The following TJP2 variants were observed in gnomAD, a reference collection of about 807,000 sequenced individuals.
TJP2 encodes Friedreich ataxia region gene X104 (tight junction protein ZO-2).
A neutral mutation model predicts 133.1 loss-of-function variants in TJP2; 91 were observed. That is an observed-to-expected ratio of 0.68 (90% CI 0.58 to 0.81). TJP2 has a LOEUF of 0.81. TJP2 is among the 40% of genes least tolerant of loss of function. The pLI, the probability that TJP2 is intolerant of heterozygous loss-of-function variation, is 0.00. For missense variants in TJP2, 1,541 were observed against 1,565.6 expected (o/e 0.98, Z 0.26); for synonymous variants, 592 against 583.4 (o/e 1.01, Z -0.21).
chr9:69,186,069 A>G (rs943131794), intron 1 of TJP2, among the ~76,000 whole-genome samples: 10 of 152,080 alleles, frequency 6.6e-5, no homozygotes, highest in Admixed American at 5.2e-4. Context: ...CGCCCGGCCA[A>G]TGTAGTGGTT....
intron 19 of TJP2, chr9:69,248,540 ATTG>A: frequency 7.9e-7 from 1 of 1,272,776 alleles, no homozygotes; most frequent in South Asian, 3.4e-5. Context: ...CCCATGCAGT[ATTG>A]TTGTATGTAC....
intron 4 of TJP2, among the ~76,000 whole-genome samples, chr9:69,219,395 G>A (rs1368780559): frequency 1.3e-5 from 2 of 152,076 alleles, no homozygotes; most frequent in Non-Finnish European, 2.9e-5. Flanking sequence ...TCTTTACTTG[G>A]TCTCTGTATG....
upstream of TJP2, chr9:69,121,422 C>G (rs1177410584): frequency 2.3e-6 from 2 of 870,836 alleles, no homozygotes; most frequent in African/African-American, 3.7e-5. Context: ...GGCTCGCCAC[C>G]GCCCAACTCC....
chr9:69,226,130 C>T lies in TJP2; in HGVS notation c.1165C>T (p.Leu389Phe). ...LVVLRDSQQTLINIPSLNDSD... is the reference protein window; with the variant it reads ...LVVLRDSQQTFINIPSLNDSD... ...GGTGTTGAGAGACAGCCAGCAGACC[C>T]TCATCAACATCCCGTCATTAAATGA... Residue 389 changes from leucine to phenylalanine, a missense_variant, in exon 7 of 23, where the codon CTC becomes TTC. Leu to Phe is a conservative substitution (Grantham distance 22). Transcript: ENST00000377245. 6.2e-7 allele frequency: 1 copy of T among 1,614,146 alleles called. No homozygotes were observed. The highest frequency in any genetic ancestry group is 8.5e-7 in the Non-Finnish European group (1 of 1,180,034).
In TJP2 at chr9:69,200,542, T is replaced by G. The variant is rs1472585354; in HGVS notation, c.61-12006T>G. ...AGCTAGGACTATAGGCACATGCCAC[T>G]GCACCTGGCTAGATTTTAACATTTT... On this transcript the variant is annotated intron_variant, in intron 1 of 22. Coordinates refer to ENST00000377245, the MANE Select transcript of TJP2 (RefSeq NM_004817.4). Among the ~76,000 whole-genome samples the G allele has an allele frequency of 2.0e-5, 3 of 152,226 alleles. No individual in the cohort carries two copies. The East Asian group carries it at 5.8e-4, about 29-fold the overall frequency.
intron 1 of TJP2, among the ~76,000 whole-genome samples, chr9:69,201,630 G>T (rs1017776949): frequency 2.0e-5 from 3 of 152,124 alleles, no homozygotes; most frequent in Non-Finnish European, 4.4e-5. Flanking sequence ...AATGAGTAAA[G>T]AATTAGTGAT....
intron 1 of TJP2, among the ~76,000 whole-genome samples, chr9:69,196,535 C>T (rs1456656155): frequency 6.6e-6 from 1 of 152,066 alleles, no homozygotes; most frequent in Admixed American, 6.6e-5. Context: ...AGTAACTCGC[C>T]CAAGGTAAAG....
At chr9:69,172,195 G>C (rs1240066868), upstream of TJP2, among the ~76,000 whole-genome samples, 2 of 152,216 alleles carry the variant, frequency 1.3e-5, no homozygotes, top group African/African-American at 4.8e-5. Context: ...CCAAAGAGTT[G>C]TATTGATTTA....
chr9:69,244,931 T>C (rs1371940861), intron 17 of TJP2, among the ~76,000 whole-genome samples: 2 of 152,250 alleles, frequency 1.3e-5, no homozygotes, highest in African/African-American at 2.4e-5. Context: ...GTTTTCTTTA[T>C]GATGAATGCA....
At chr9:69,201,540 T>C (rs10781479) in intron 1 of TJP2, among the ~76,000 whole-genome samples, 57,592 of 151,828 alleles carry the variant, frequency 0.38, 11,183 homozygotes, top group South Asian at 0.44. Context: ...CTGCAAAGCT[T>C]CCTGAGGGCA....
At chr9:69,222,061 G>A (rs996262928) in intron 5 of TJP2, among the ~76,000 whole-genome samples, 6 of 149,102 alleles carry the variant, frequency 4.0e-5, no homozygotes, top group African/African-American at 9.9e-5. Flanking sequence ...TAGTAGAGAC[G>A]GGGTTTCACC....
chr9:69,125,109 C>T lies in TJP2; in HGVS notation c.-131+3384C>T, dbSNP rs546466053. Among the ~76,000 whole-genome samples, 3 of 72,540 alleles carry T rather than the reference C, an allele frequency of 4.1e-5. 1 individual carries two copies. Among genetic ancestry groups the T allele is most frequent in the Non-Finnish European group, 6.2e-5 (2 of 32,238 alleles). 47.6% of individuals were successfully genotyped at this position (72,540 alleles called of 152,430 possible). The stretch of plus-strand genomic sequence containing the variant: ...CTGGGTTTACAGGCATGTGCCACCA[C>T]GCTTAGCTAATTTTTGTATTTTTAG... On this transcript the variant is annotated intron_variant, in intron 1 of 5. Coordinates refer to the TJP2 transcript ENST00000423935.
chr9:69,219,851 C>T (rs749873466), intron 4 of TJP2, among the ~76,000 whole-genome samples: 1 of 152,048 alleles, frequency 6.6e-6, no homozygotes, highest in Non-Finnish European at 1.5e-5. Flanking sequence ...CCCCTCTACC[C>T]CACCCCCCAC....
Position 69,229,358 on chromosome 9 carries a change from T to C in TJP2, c.1520+108T>C, listed in dbSNP as rs1229422654. The C allele has an allele frequency of 4.7e-6, 5 of 1,073,542 alleles. No individual in the cohort carries two copies. The African/African-American group carries it at 6.2e-5, about 13-fold the overall frequency. 66.5% of individuals were successfully genotyped at this position (1,073,542 alleles called of 1,614,324 possible). A position where few individuals can be genotyped will look rare whatever the true frequency, so the allele number is the denominator to read the frequency against. On this transcript the variant is annotated intron_variant, in intron 10 of 22. Coordinates refer to ENST00000377245, the MANE Select transcript of TJP2 (RefSeq NM_004817.4). ...TTGCCTAGATGGTGATTTTGTACAC[T>C]GTCAGCCACCTGTAACCAATCCCCA...
At chr9:69,148,148 T>A (rs1823297742) in intron 1 of TJP2, among the ~76,000 whole-genome samples, 1 of 151,944 alleles carries the variant, frequency 6.6e-6, no homozygotes, top group Admixed American at 6.6e-5. Flanking sequence ...GGTCTCGAAC[T>A]CCTTACCTTA....
intron 1 of TJP2, among the ~76,000 whole-genome samples, chr9:69,131,192 G>A (rs898854026): frequency 6.6e-6 from 1 of 152,200 alleles, no homozygotes; most frequent in Non-Finnish European, 1.5e-5. Flanking sequence ...TGCGAGGAGT[G>A]ACTGTCATCT....
At chr9:69,181,960 A>G (rs780020800) in intron 1 of TJP2, among the ~76,000 whole-genome samples, 5 of 152,120 alleles carry the variant, frequency 3.3e-5, no homozygotes, top group Non-Finnish European at 7.4e-5. Flanking sequence ...CTTCTTGAGA[A>G]TCCTTCTTCC....
intron 1 of TJP2, among the ~76,000 whole-genome samples, chr9:69,185,828 A>T (rs1369018755): frequency 9.9e-5 from 15 of 151,696 alleles, no homozygotes; most frequent in African/African-American, 3.6e-4. Flanking sequence ...AGCTGGCAGA[A>T]GTGTCTGTCC....
In TJP2 at chr9:69,184,811, T is replaced by C. The variant is rs1330269214; in HGVS notation, c.60+10379T>C. On this transcript the variant is annotated intron_variant, in intron 1 of 22. Transcript: ENST00000377245. ...TGTCACCCAGGCTGGAGTGCAGTGG[T>C]GCCGTCACAGCTCACTGCAGCCTCG... Among the ~76,000 whole-genome samples the C allele has an allele frequency of 2.1e-5, 3 of 144,340 alleles. No individual in the cohort carries two copies. The East Asian group carries it at 6.2e-4, about 30-fold the overall frequency. The allele number at this position is 144,340 out of a possible 152,430, so 94.7% of individuals were successfully genotyped here. A position where few individuals can be genotyped will look rare whatever the true frequency, so the allele number is the denominator to read the frequency against.
Sources: allele counts gnomAD v4.1 joint callset (sites outside exome capture counted in the v4.1 genomes callset), GRCh38; gene constraint gnomAD v4.1.1; transcripts MANE v1.5; gene names NCBI Gene and HGNC (gene_info 2026-07-23, HGNC 2026-07-21).